Variants in ZNF112 observed in about 807,000 individuals in gnomAD.
The protein encoded by ZNF112 is zinc finger protein 112 (Y14).
Under a neutral mutation model 77.7 loss-of-function variants are expected in ZNF112, and 37 were observed. The observed-to-expected ratio is 0.48, with a 90% CI of 0.37 to 0.63. The LOEUF (loss-of-function observed/expected upper bound fraction) is 0.63. Among genes scored for constraint, ZNF112 ranks in the 20% least tolerant of loss-of-function variants. The pLI is 0.00. For synonymous variants in ZNF112, 333 were observed against 363.6 expected, an observed-to-expected ratio of 0.92 and a Z score of 0.96; for missense variants, 950 against 1,077.4, an observed-to-expected ratio of 0.88 and a Z score of 1.66.
chr19:44,344,094 C>G (rs1246177805), intron 1 of ZNF112, among the ~76,000 whole-genome samples: 1 of 152,140 alleles, frequency 6.6e-6, no homozygotes, highest in Non-Finnish European at 1.5e-5. Context: ...CAGGGTACAA[C>G]AAAAGACTAA....
chr19:44,365,870 C>G (rs1970898971), intron 1 of ZNF112, among the ~76,000 whole-genome samples: 1 of 152,148 alleles, frequency 6.6e-6, no homozygotes, highest in African/African-American at 2.4e-5. Context: ...AAACTTCACT[C>G]TATCCTCTCC....
chr19:44,346,646 C>A (rs2196186), intron 1 of ZNF112, among the ~76,000 whole-genome samples: 4 of 151,910 alleles, frequency 2.6e-5, no homozygotes, highest in Non-Finnish European at 5.9e-5. Flanking sequence ...AATATACTCT[C>A]ACTGAGTTGA....
At chr19:44,343,422 G>A (rs1370336734) in intron 1 of ZNF112, 25 of 769,482 alleles carry the variant, frequency 3.2e-5, no homozygotes, top group Non-Finnish European at 5.2e-5. Context: ...CCGGCGTTAA[G>A]GAGCAGGTAG....
chr19:44,337,841 ACACACAC>A lies in ZNF112; in HGVS notation c.125-1130_125-1124del, dbSNP rs1568666184. ...TATGTGTATGTATATACATACACAT[ACACACAC>A]ACACACACACACACACACACACACA... is the stretch of plus-strand genomic sequence containing the variant. On this transcript the variant is annotated intron_variant, in intron 2 of 3. Coordinates refer to ENST00000354340, the MANE Select transcript of ZNF112 (RefSeq NM_013380.4). Among the ~76,000 whole-genome samples, 854 of 135,306 alleles carry A rather than the reference ACACACAC, an allele frequency of 6.3e-3. 3 individuals carry two copies. The highest frequency in any genetic ancestry group is 0.011 in the Middle Eastern group (3 of 272). The allele number at this position is 135,306 out of a possible 152,430, so 88.8% of individuals were successfully genotyped here. A position where few individuals can be genotyped will look rare whatever the true frequency, so the allele number is the denominator to read the frequency against.
Position 44,366,996 on chromosome 19 carries a change from T to G in ZNF112, c.17+85A>C. Reference sequence around the variant, plus strand: ...GGTGGCAGAACTGCCTGGTCAGTCCTGGAGTAGGAACAGAGCGCACAAAAT... The same window carrying G: ...GGTGGCAGAACTGCCTGGTCAGTCCGGGAGTAGGAACAGAGCGCACAAAAT... On this transcript the variant is annotated intron_variant, in intron 1 of 4. Coordinates refer to the ZNF112 transcript ENST00000588057. 6 of 454,072 alleles carry G rather than the reference T, an allele frequency of 1.3e-5. 1 individual carries two copies. The highest frequency in any genetic ancestry group is 9.3e-5 in the South Asian group (6 of 64,452). 28.1% of individuals were successfully genotyped at this position (454,072 alleles called of 1,614,324 possible).
chr19:44,327,999 A>G lies in ZNF112; in HGVS notation c.2158T>C (p.Cys720Arg), dbSNP rs759655201. Reference sequence around the variant, plus strand: ...GCTCTCTGACTGAAGCCCTTTCCACATACCTCACATATATATGGTCTTTCT... The same window carrying G: ...GCTCTCTGACTGAAGCCCTTTCCACGTACCTCACATATATATGGTCTTTCT... ...SGERPYICEV[C>R]GKGFSQRAYL... Residue 720 changes from cysteine to arginine, a missense_variant, in exon 4 of 4, where the codon TGT (cysteine) becomes CGT (arginine). This residue lies in a region of ZNF112 where 373 missense variants were observed against 482.8 expected (regional missense o/e 0.77). Transcript: ENST00000354340. The G allele has an allele frequency of 1.9e-6, 3 of 1,613,916 alleles. No homozygotes were observed. Among genetic ancestry groups the G allele is most frequent in the Non-Finnish European group, 2.5e-6 (3 of 1,179,942 alleles).
chr19:44,343,454 C>T (rs1970529801), intron 1 of ZNF112, among the ~76,000 whole-genome samples: 1 of 152,198 alleles, frequency 6.6e-6, no homozygotes, highest in South Asian at 2.1e-4. Flanking sequence ...TTCTAGCTAC[C>T]ACTTGGCTCT....
chr19:44,345,722 T>A (rs1472127520), intron 1 of ZNF112, among the ~76,000 whole-genome samples: 1 of 152,208 alleles, frequency 6.6e-6, no homozygotes, highest in Non-Finnish European at 1.5e-5. Context: ...CACAGGAATC[T>A]TTCATGTCTG....
At chr19:44,353,423 G>T (rs930160786) in intron 1 of ZNF112, among the ~76,000 whole-genome samples, 1 of 151,968 alleles carries the variant, frequency 6.6e-6, no homozygotes, top group African/African-American at 2.4e-5. Context: ...ATTTTGTTCT[G>T]CAAAAGACAC....
At chr19:44,351,996 A>G (rs946604208) in intron 1 of ZNF112, among the ~76,000 whole-genome samples, 2 of 152,126 alleles carry the variant, frequency 1.3e-5, no homozygotes, top group African/African-American at 2.4e-5. Flanking sequence ...AAAATTCTAC[A>G]TACTGCATTG....
intron 1 of ZNF112, among the ~76,000 whole-genome samples, chr19:44,352,639 T>C (rs979216383): frequency 6.6e-6 from 1 of 152,102 alleles, no homozygotes; most frequent in Admixed American, 6.6e-5. Flanking sequence ...CTAGTGAGTA[T>C]AGCAAAGTCA....
At chr19:44,337,397 A>ATAT (rs1568665693) in intron 2 of ZNF112, among the ~76,000 whole-genome samples, 1 of 59,504 alleles carries the variant, frequency 1.7e-5, no homozygotes, top group African/African-American at 7.4e-5. Context: ...AATATATATA[A>ATAT]TATATATTTT....
At chr19:44,363,733 G>T (rs1970876873) in intron 1 of ZNF112, among the ~76,000 whole-genome samples, 1 of 152,128 alleles carries the variant, frequency 6.6e-6, no homozygotes, top group Non-Finnish European at 1.5e-5. Context: ...ACTTATAAAA[G>T]TCTTTTTGCG....
At chr19:44,359,677 A>G (rs1337238181), upstream of ZNF112, among the ~76,000 whole-genome samples, 1 of 151,818 alleles carries the variant, frequency 6.6e-6, no homozygotes, top group Non-Finnish European at 1.5e-5. Context: ...CAATATGCTA[A>G]TTTTTCTTTT....
chr19:44,334,389 AT>A (rs1568663423), intron 3 of ZNF112, among the ~76,000 whole-genome samples: 1 of 152,228 alleles, frequency 6.6e-6, no homozygotes, highest in Non-Finnish European at 1.5e-5. Context: ...AATTTGAAAA[AT>A]TTGCAGCCTG....
At chr19:44,363,171 A>G (rs1050495886) in intron 1 of ZNF112, among the ~76,000 whole-genome samples, 4 of 151,480 alleles carry the variant, frequency 2.6e-5, no homozygotes, top group Non-Finnish European at 2.9e-5. Flanking sequence ...GGGTCCCACT[A>G]TGTTGCCCAG....
chr19:44,348,350 C>T (rs982707162), intron 1 of ZNF112, among the ~76,000 whole-genome samples: 1 of 152,024 alleles, frequency 6.6e-6, no homozygotes, highest in African/African-American at 2.4e-5. Context: ...CCACAGGTTC[C>T]GAAGGCTCTG....
chr19:44,357,935 G>A (rs12104332), upstream of ZNF112, among the ~76,000 whole-genome samples: 5,837 of 152,096 alleles, frequency 0.038, 320 homozygotes, highest in African/African-American at 0.12. Flanking sequence ...AAATGCTCAC[G>A]GGGTCAGGAG....
chr19:44,360,832 T>C (rs1970848735), upstream of ZNF112, among the ~76,000 whole-genome samples: 1 of 152,212 alleles, frequency 6.6e-6, no homozygotes, highest in Admixed American at 6.5e-5. Context: ...TTGAAAAGCA[T>C]TTCTTATGAC....
Sources: gnomAD v4.1 joint callset for allele counts (sites outside exome capture counted in the v4.1 genomes callset) on GRCh38, gnomAD v4.1.1 for gene constraint, gnomAD v4.1.1 regional missense constraint, MANE v1.5 for transcripts, NCBI Gene and HGNC (gene_info 2026-07-23, HGNC 2026-07-21) for gene names.